The following HELZ variants were observed in gnomAD, a reference collection of about 807,000 sequenced individuals.
HELZ encodes the protein helicase with zinc finger, also known as ATP-dependent RNA helicase with zinc finger domain.
In HELZ, 23 loss-of-function variants were observed where a neutral mutation model predicts 218.2. The observed-to-expected ratio is 0.11, with a 90% CI of 0.08 to 0.15. HELZ has a LOEUF of 0.15. Ranked by LOEUF, HELZ falls within the 10% of genes least tolerant of loss-of-function variation. The pLI, the probability that HELZ is intolerant of heterozygous loss-of-function variation, is 1.00. For synonymous variants in HELZ, 814 were observed against 829.4 expected (o/e 0.98, Z 0.32); for missense variants, 1,813 against 2,353.7 (o/e 0.77, Z 4.75).
At chr17:67,104,394 G>A (rs975595248) in intron 31 of HELZ, among the ~76,000 whole-genome samples, 34 of 150,782 alleles carry the variant, frequency 2.3e-4, no homozygotes, top group Non-Finnish European at 4.7e-4. Flanking sequence ...AGCCGAGATG[G>A]CGCCACTGCA....
In HELZ at chr17:67,072,015, A is replaced by AAC. The variant is rs2035900428; in HGVS notation, c.*6236_*6237insGT. ...CTTTGCCCTCACCACCCTCCCCCAC[A>AAC]AAAAAAAAAAATAATAATAACCATA... On this transcript the variant is annotated 3_prime_UTR_variant, in exon 33 of 33. Coordinates refer to ENST00000358691, the MANE Select transcript of HELZ (RefSeq NM_014877.4). The AAC allele has an allele frequency of 6.7e-6, 1 of 150,050 alleles. No individual in the cohort carries two copies. Among genetic ancestry groups the AAC allele is most frequent in the Non-Finnish European group, 1.5e-5 (1 of 67,122 alleles). The allele number at this position is 150,050 out of a possible 1,614,324, so 9.3% of individuals were successfully genotyped here.
At chr17:67,161,996 T>A (rs1368848097) in intron 15 of HELZ, among the ~76,000 whole-genome samples, 1 of 152,290 alleles carries the variant, frequency 6.6e-6, no homozygotes, top group African/African-American at 2.4e-5. Flanking sequence ...AAAATAAAAG[T>A]GCCTGCAAAA....
chr17:67,237,956 C>G (rs1203587437), intron 3 of HELZ, among the ~76,000 whole-genome samples: 4 of 150,430 alleles, frequency 2.7e-5, no homozygotes, highest in Admixed American at 1.3e-4. Context: ...CCATTGCACT[C>G]CAGCCTGGGC....
At chr17:67,182,210 G>C (rs2039632323) in intron 12 of HELZ, among the ~76,000 whole-genome samples, 1 of 152,134 alleles carries the variant, frequency 6.6e-6, no homozygotes, top group East Asian at 1.9e-4. Flanking sequence ...GGGAGGCCAA[G>C]GAAGGCAGGT....
At position 67,245,189 on chromosome 17, in the gene HELZ, GT is replaced by G; in HGVS notation, c.-174del. ...CGCCATCTTGGATCCACTTGTCAAC[GT>G]CCCCACAAAGCATTATGGGTAAGAA... On this transcript the variant is annotated 5_prime_UTR_variant, in exon 1 of 33. Transcript: ENST00000358691. The G allele has an allele frequency of 1.0e-6, 1 of 985,314 alleles. No individual in the cohort carries two copies. Among genetic ancestry groups the G allele is most frequent in the South Asian group, 4.7e-5 (1 of 21,460 alleles). The allele number at this position is 985,314 out of a possible 1,614,324, so 61.0% of individuals were successfully genotyped here. A position where few individuals can be genotyped will look rare whatever the true frequency, so the allele number is the denominator to read the frequency against.
intron 5 of HELZ, among the ~76,000 whole-genome samples, chr17:67,211,742 T>C (rs1295250336): frequency 3.3e-5 from 5 of 151,766 alleles, no homozygotes; most frequent in Non-Finnish European, 5.9e-5. Context: ...GCGCCTGTAA[T>C]CCCAGTTACT....
intron 17 of HELZ, 43 bp from the exon 18 acceptor site, chr17:67,151,267 C>T (rs1411802523): frequency 6.8e-7 from 1 of 1,470,858 alleles, no homozygotes; most frequent in Non-Finnish European, 9.4e-7. Context: ...TTACTAATTT[C>T]TTAACAGTAT....
intron 23 of HELZ, among the ~76,000 whole-genome samples, chr17:67,131,085 G>A (rs1014350881): frequency 2.0e-5 from 3 of 152,014 alleles, no homozygotes; most frequent in African/African-American, 7.2e-5. Context: ...ATGGGGTCTC[G>A]CTATGATGCC....
At chr17:67,150,889 A>T (rs2038661757) in intron 18 of HELZ, among the ~76,000 whole-genome samples, 157 bp downstream of exon 18, 1 of 152,220 alleles carries the variant, frequency 6.6e-6, no homozygotes, top group Admixed American at 6.5e-5. Flanking sequence ...AAAAGCATCT[A>T]TAGACAATAA....
chr17:67,149,813 C>T (rs560230846), intron 19 of HELZ, 54 bp downstream of exon 19: 3 of 984,930 alleles, frequency 3.0e-6, no homozygotes, highest in Non-Finnish European at 4.7e-6. Flanking sequence ...GAATATTAAA[C>T]ATCAAAATAT....
intron 28 of HELZ, among the ~76,000 whole-genome samples, chr17:67,109,965 T>C (rs2037231207): frequency 6.6e-6 from 1 of 152,234 alleles, no homozygotes; most frequent in African/African-American, 2.4e-5. Flanking sequence ...CAGGGCATTA[T>C]TTTTAATTTC....
At chr17:67,186,125 T>C (rs2144268579) in intron 12 of HELZ, among the ~76,000 whole-genome samples, 1 of 151,048 alleles carries the variant, frequency 6.6e-6, no homozygotes, top group East Asian at 1.9e-4. Flanking sequence ...CTAGTCCGAG[T>C]CCTCATTTTA....
At chr17:67,154,989 C>G (rs533833749) in intron 17 of HELZ, among the ~76,000 whole-genome samples, 50 of 152,256 alleles carry the variant, frequency 3.3e-4, no homozygotes, top group African/African-American at 1.2e-3. Context: ...CAGTTATGAG[C>G]CACATTTTAA....
intron 5 of HELZ, among the ~76,000 whole-genome samples, chr17:67,206,565 T>G (rs1417029556): frequency 2.0e-5 from 3 of 151,998 alleles, no homozygotes; most frequent in African/African-American, 7.3e-5. Flanking sequence ...GTACATATTC[T>G]CTACTGTTTT....
intron 15 of HELZ, among the ~76,000 whole-genome samples, chr17:67,163,190 C>T (rs1489005495): frequency 6.6e-6 from 1 of 152,122 alleles, no homozygotes; most frequent in Non-Finnish European, 1.5e-5. Context: ...CTTGTTACTA[C>T]AATATTTTAT....
In HELZ at chr17:67,072,812, C is replaced by G. The variant is rs1020485584; in HGVS notation, c.*5440G>C. On this transcript the variant is annotated 3_prime_UTR_variant, in exon 33 of 33. Coordinates refer to ENST00000358691, the MANE Select transcript of HELZ (RefSeq NM_014877.4). ...GTAAATAAATACATGGTTGAAAAGACGTTCAGACTCTGAAGGTCTCTGAGA... is the reference window on the plus strand; with the variant it reads ...GTAAATAAATACATGGTTGAAAAGAGGTTCAGACTCTGAAGGTCTCTGAGA... 6.6e-6 allele frequency: 1 copy of G among 152,184 alleles called. No homozygotes were observed. Among genetic ancestry groups the G allele is most frequent in the South Asian group, 2.1e-4 (1 of 4,830 alleles). The allele number at this position is 152,184 out of a possible 1,614,324, so 9.4% of individuals were successfully genotyped here.
In HELZ at chr17:67,137,997, T is replaced by G. The variant is rs1252413079; in HGVS notation, c.2887A>C (p.Ile963Leu). Reference protein sequence around the residue: ...VTPYADQVFRIRAELRKKRLS... With the variant: ...VTPYADQVFRLRAELRKKRLS... ...CTCTTTTTTCGAAGTTCAGCACGTA[T>G]TCTAAACACTTGATCAGCATATGGA... Residue 963 changes from isoleucine (I) to leucine (L), a missense_variant, in exon 22 of 33, where the codon ATA becomes CTA. Transcript: ENST00000358691. 2 of 1,613,788 alleles carry G rather than the reference T, an allele frequency of 1.2e-6. No homozygotes were observed. Among genetic ancestry groups the G allele is most frequent in the East Asian group, 4.5e-5 (2 of 44,872 alleles).
In HELZ at chr17:67,194,024, T is replaced by G; in HGVS notation, c.500A>C (p.His167Pro). 6.2e-7 allele frequency: 1 copy of G among 1,612,996 alleles called. No individual in the cohort carries two copies. Among genetic ancestry groups the G allele is most frequent in the East Asian group, 2.2e-5 (1 of 44,874 alleles). ...GATTCCCCTAGGTGGTGGGCGGAAA[T>G]GCCAACCATTACAAGACCCTAGGGA... ...DLDEGSCNGWHFRPPPRGITS... is the reference protein window; with the variant it reads ...DLDEGSCNGWPFRPPPRGITS... The change falls in exon 9 of 33, where the codon CAT (histidine) becomes CCT (proline). Residue 167 changes from histidine (H) to proline (P), a missense_variant. His to Pro is a moderately conservative substitution (Grantham distance 77, BLOSUM62 -2). Coordinates refer to ENST00000358691, the MANE Select transcript of HELZ (RefSeq NM_014877.4).
At chr17:67,135,089 T>C (rs2038106803) in intron 23 of HELZ, among the ~76,000 whole-genome samples, 1 of 152,026 alleles carries the variant, frequency 6.6e-6, no homozygotes, top group African/African-American at 2.4e-5. Flanking sequence ...CACAAGTGTA[T>C]AAAGAAAGAT....
Sources: gnomAD v4.1 joint callset for allele counts (sites outside exome capture counted in the v4.1 genomes callset) on GRCh38, gnomAD v4.1.1 for gene constraint, MANE v1.5 for transcripts, NCBI Gene and HGNC (gene_info 2026-07-23, HGNC 2026-07-21) for gene names.